The following TRIM64C variants were observed in gnomAD, a reference collection of about 807,000 sequenced individuals.
TRIM64C encodes tripartite motif-containing protein 64C.
Under a neutral mutation model 36.1 loss-of-function variants are expected in TRIM64C, and 25 were observed. The ratio of observed to expected loss-of-function variants is 0.69; its 90% CI spans 0.51 to 0.97. TRIM64C has a LOEUF of 0.97. Among genes scored for constraint, TRIM64C ranks in the 50% least tolerant of loss-of-function variants. The probability of loss-of-function intolerance (pLI) is 0.00; values close to 1 mark genes in which losing one functional copy is unlikely to be tolerated. For synonymous variants in TRIM64C, 212 were observed against 185.7 expected, an observed-to-expected ratio of 1.14 and a Z score of -1.15; for missense variants, 489 against 536.8, an observed-to-expected ratio of 0.91 and a Z score of 0.88.
intron 5 of TRIM64C, 48 bp from the exon 6 acceptor site, chr11:49,054,255 G>T (rs749306455): frequency 4.0e-6 from 6 of 1,515,402 alleles, no homozygotes; most frequent in Non-Finnish European, 5.3e-6. Flanking sequence ...AGGGACAGAG[G>T]CTCTGTGGCC....
At chr11:49,056,315 G>C (rs1417051691) in intron 4 of TRIM64C, 44 bp downstream of exon 4, 79 of 1,458,488 alleles carry the variant, frequency 5.4e-5, no homozygotes, top group Non-Finnish European at 6.9e-5. Context: ...ATTCACAAGA[G>C]AACAAATTTT....
At position 49,058,252 on chromosome 11, in the gene TRIM64C, T is replaced by C; in HGVS notation, c.413-80A>G. 3.0e-6 allele frequency: 3 copies of C among 989,572 alleles called. No individual in the cohort carries two copies. In the South Asian group the frequency reaches 4.7e-5, roughly 15 times the overall value. 61.3% of individuals were successfully genotyped at this position (989,572 alleles called of 1,614,324 possible). A position where few individuals can be genotyped will look rare whatever the true frequency, so the allele number is the denominator to read the frequency against. ...TTATCAATAAAAAAAAGGCCGTAAT[T>C]GAAAGAAACATAAATTAAGTTAGAG... On this transcript the variant is annotated intron_variant, in intron 1 of 5. Transcript: ENST00000617704.
rs1174359632 is a variant in TRIM64C, at chr11:49,054,164, G to T, written c.903C>A (p.Ser301Arg). 6.4e-7 allele frequency: 1 copy of T among 1,551,498 alleles called. No individual in the cohort carries two copies. The highest frequency in any genetic ancestry group is 8.7e-7 in the Non-Finnish European group (1 of 1,146,832). ...TCACACGTCTCACATCCTCAGAAAG[G>T]CTTATATAGCAAGGAGTCATTTCTG... Reference protein sequence around the residue: ...LSTEMTPCYISLSEDVRRVIF... With the variant: ...LSTEMTPCYIRLSEDVRRVIF... The change falls in exon 6 of 6, where the codon AGC (serine) becomes AGA (arginine). Residue 301 changes from serine to arginine, a missense_variant. Transcript: ENST00000617704.
chr11:49,055,223 T>G, intron 5 of TRIM64C, 87 bp downstream of exon 5: 1 of 1,503,426 alleles, frequency 6.7e-7, no homozygotes, highest in Non-Finnish European at 8.9e-7. Flanking sequence ...ATGTCAAAAC[T>G]AATAAAACGT....
At chr11:49,056,036 C>T (rs1158733134) in intron 4 of TRIM64C, among the ~76,000 whole-genome samples, 5 of 150,678 alleles carry the variant, frequency 3.3e-5, no homozygotes, top group African/African-American at 9.8e-5. Flanking sequence ...TTTTTTTAAC[C>T]TCCCACCCCT....
intron 5 of TRIM64C, 33 bp downstream of exon 5, chr11:49,055,277 T>C (rs1463389851): frequency 6.5e-7 from 1 of 1,535,040 alleles, no homozygotes; most frequent in Non-Finnish European, 8.7e-7. Flanking sequence ...AGGAAATAAT[T>C]TGAGGCTGGA....
rs1279653305 is a variant in TRIM64C, at chr11:49,057,712, C to A, written c.508-334G>T. 22 of 470,400 alleles carry A rather than the reference C, an allele frequency of 4.7e-5. No individual in the cohort carries two copies. In the Admixed American group the frequency reaches 5.3e-4, roughly 11 times the overall value. The allele number at this position is 470,400 out of a possible 1,614,324, so 29.1% of individuals were successfully genotyped here. A position where few individuals can be genotyped will look rare whatever the true frequency, so the allele number is the denominator to read the frequency against. ...ATGTTAAAAAACATTTAGCCATGCACCATATTATGCAGTATTTTTTTACTT... is the reference window on the plus strand; with the variant it reads ...ATGTTAAAAAACATTTAGCCATGCAACATATTATGCAGTATTTTTTTACTT... On this transcript the variant is annotated intron_variant, in intron 2 of 5. Transcript: ENST00000617704.
At chr11:49,056,521 T>C (rs1854816100) in intron 3 of TRIM64C, 140 bp from the exon 4 acceptor site, 6 of 731,806 alleles carry the variant, frequency 8.2e-6, no homozygotes, top group Admixed American at 2.9e-5. Context: ...TTCAAGGCTA[T>C]GTTAATAACA....
intron 2 of TRIM64C, 199 bp downstream of exon 2, chr11:49,057,879 T>C (rs1854832430): frequency 1.9e-6 from 1 of 533,078 alleles, no homozygotes; most frequent in Admixed American, 3.2e-5. Flanking sequence ...ATCATGCCGT[T>C]TATCCAATAT....
At chr11:49,058,285 G>C in intron 1 of TRIM64C, 113 bp from the exon 2 acceptor site, 1 of 780,414 alleles carries the variant, frequency 1.3e-6, no homozygotes, top group East Asian at 2.8e-5. Context: ...GAGTGGAGTG[G>C]TCAGATTTTT....
chr11:49,058,348 CAT>C, intron 1 of TRIM64C, among the ~76,000 whole-genome samples, 176 bp from the exon 2 acceptor site: 1 of 151,684 alleles, frequency 6.6e-6, no homozygotes, highest in East Asian at 1.9e-4. Context: ...GTGATAGAAA[CAT>C]AATAGAGAGT....
chr11:49,055,289 T>A (rs1389356754), intron 5 of TRIM64C, 21 bp downstream of exon 5: 8 of 1,535,378 alleles, frequency 5.2e-6, no homozygotes, highest in Non-Finnish European at 2.6e-6. Flanking sequence ...GAGGCTGGAC[T>A]GCCAAGCAGC....
At chr11:49,054,629 T>C (rs1405445306) in intron 5 of TRIM64C, among the ~76,000 whole-genome samples, 3 of 152,194 alleles carry the variant, frequency 2.0e-5, no homozygotes, top group African/African-American at 2.4e-5. Context: ...ATCAAAAATT[T>C]GGTAGAAATT....
At chr11:49,055,830 T>C (rs997487524) in intron 4 of TRIM64C, among the ~76,000 whole-genome samples, 4 of 152,164 alleles carry the variant, frequency 2.6e-5, no homozygotes, top group African/African-American at 9.7e-5. Flanking sequence ...CTTTAATCTT[T>C]TGTGCAAAAC....
At chr11:49,058,024 A>T in intron 2 of TRIM64C, 54 bp downstream of exon 2, 1 of 1,270,456 alleles carries the variant, frequency 7.9e-7, no homozygotes, top group South Asian at 1.4e-5. Context: ...AAAAAGTATA[A>T]GCCAACTTTG....
chr11:49,058,898 T>G lies in TRIM64C; in HGVS notation c.215A>C (p.Lys72Thr), dbSNP rs1255615486. ...GGTCTGTCTGGCTAGGGAAGCCAGC[T>G]TTTTGAGTGCCACATTGGTGTTGAA... is the stretch of plus-strand genomic sequence containing the variant. ...PNFNTNVALK[K>T]LASLARQTRP... The change falls in exon 1 of 6, where the codon AAG becomes ACG. Residue 72 changes from lysine to threonine, a missense_variant. Lys to Thr is a moderately conservative substitution (Grantham distance 78, BLOSUM62 -1). Transcript: ENST00000617704. 18 of 1,550,576 alleles carry G rather than the reference T, an allele frequency of 1.2e-5. No individual in the cohort carries two copies. The highest frequency in any genetic ancestry group is 7.8e-5 in the Admixed American group (4 of 50,962).
intron 2 of TRIM64C, 173 bp downstream of exon 2, chr11:49,057,905 G>A (rs146808127): frequency 1.1e-5 from 6 of 547,812 alleles, no homozygotes; most frequent in Non-Finnish European, 1.6e-5. Context: ...AATTAATTTG[G>A]CTAGCTTGTG....
Position 49,058,774 on chromosome 11 carries a change from G to A in TRIM64C, c.339C>T (p.Pro113=). 1.3e-6 allele frequency: 2 copies of A among 1,548,642 alleles called. No individual in the cohort carries two copies. The highest frequency in any genetic ancestry group is 1.7e-6 in the Non-Finnish European group (2 of 1,146,674). The change falls in exon 1 of 6, where the codon CCC becomes CCT. Residue 113 remains proline, a synonymous_variant. Transcript: ENST00000617704. The part of the protein sequence containing the change: ...CEADKRLLCG[P]CSESPEHMAH... ...CCATGTGCTCTGGTGACTCAGAGCA[G>A]GGCCCACAGAGCAATCTCTTGTCAG... is the stretch of plus-strand genomic sequence containing the variant.
rs1055681859 is a variant in TRIM64C at position 49,053,979 on chromosome 11, G to A, written c.1088C>T (p.Thr363Ile). The A allele has an allele frequency of 6.4e-7, 1 of 1,551,478 alleles. No individual in the cohort carries two copies. The highest frequency in any genetic ancestry group is 1.4e-5 in the African/African-American group (1 of 73,048). ...WILGVCRDSR[T>I]ADTNIVIDSD... ...ATCAATAACTATATTGGTATCTGCT[G>A]TCCTAGAATCTCGACAGACTCCCAG... The change falls in exon 6 of 6, where the codon ACA becomes ATA. Residue 363 changes from threonine (T) to isoleucine (I), a missense_variant. Thr to Ile is a moderately conservative substitution (Grantham distance 89, BLOSUM62 -1). Coordinates refer to ENST00000617704, the MANE Select transcript of TRIM64C (RefSeq NM_001206631.1).
Sources: allele counts gnomAD v4.1 joint callset (sites outside exome capture counted in the v4.1 genomes callset), GRCh38; gene constraint gnomAD v4.1.1; transcripts MANE v1.5; gene names NCBI Gene and HGNC (gene_info 2026-07-23, HGNC 2026-07-21).